The following FSTL5 variants were observed in gnomAD, a reference collection of about 807,000 sequenced individuals.
FSTL5 encodes follistatin-related protein 5.
Under a neutral mutation model 89.1 loss-of-function variants are expected in FSTL5, and 62 were observed. The observed-to-expected ratio is 0.70, with a 90% CI of 0.57 to 0.86. FSTL5 has a LOEUF of 0.86. Ranked by LOEUF, FSTL5 falls within the 40% of genes least tolerant of loss-of-function variation. FSTL5 has a pLI of 0.00. For synonymous variants in FSTL5, 383 were observed against 346.2 expected, an observed-to-expected ratio of 1.11 and a Z score of -1.18; for missense variants, 1,057 against 1,001.6, an observed-to-expected ratio of 1.06 and a Z score of -0.75.
At chr4:161,832,556 G>A (rs1297949321) in intron 4 of FSTL5, among the ~76,000 whole-genome samples, 1 of 152,132 alleles carries the variant, frequency 6.6e-6, no homozygotes, top group Non-Finnish European at 1.5e-5. Context: ...CACAATTTCA[G>A]AGCCTGTTAT....
intron 2 of FSTL5, among the ~76,000 whole-genome samples, chr4:162,067,034 CT>C (rs980086736): frequency 6.6e-6 from 1 of 151,730 alleles, no homozygotes; most frequent in African/African-American, 2.4e-5. Flanking sequence ...GAACTAAGTC[CT>C]TTGTTTGTTT....
chr4:161,794,078 G>A lies in FSTL5; in HGVS notation c.410-18004C>T, dbSNP rs140832176. On this transcript the variant is annotated intron_variant, in intron 4 of 15. Coordinates refer to ENST00000306100, the MANE Select transcript of FSTL5 (RefSeq NM_020116.5). ...CTTGAAGTTGCTTTAAAGGCATACT[G>A]AATGAGAAAATAGGTCTCTCAGAAG... Among the ~76,000 whole-genome samples the A allele has an allele frequency of 8.6e-3, 1,316 of 152,278 alleles. 75 individuals are homozygous for A. Among genetic ancestry groups the A allele is most frequent in the Admixed American group, 0.079 (1,215 of 15,298 alleles).
chr4:161,760,969 C>A (rs961985421), intron 5 of FSTL5, among the ~76,000 whole-genome samples: 1 of 152,096 alleles, frequency 6.6e-6, no homozygotes, highest in Admixed American at 6.5e-5. Flanking sequence ...CCTCCAGCAC[C>A]CTCTCTAGTC....
chr4:162,051,104 G>A (rs1369693293), intron 2 of FSTL5, among the ~76,000 whole-genome samples: 1 of 151,462 alleles, frequency 6.6e-6, no homozygotes, highest in African/African-American at 2.4e-5. Context: ...GTGCAGGGGA[G>A]GATGTGTATG....
At chr4:161,815,032 G>A (rs1335537235) in intron 4 of FSTL5, among the ~76,000 whole-genome samples, 1 of 151,964 alleles carries the variant, frequency 6.6e-6, no homozygotes, top group Non-Finnish European at 1.5e-5. Context: ...TTGCCATCAT[G>A]CAATATGTTA....
Position 162,141,579 on chromosome 4 carries a change from G to C in FSTL5, c.-17+22036C>G, listed in dbSNP as rs191401438. ...TAAGCCAAATAAACCTTATTTCTTC[G>C]TATTATCCAGGCTTGGGTATTCCTG... is the stretch of plus-strand genomic sequence containing the variant. On this transcript the variant is annotated intron_variant, in intron 1 of 15. Coordinates refer to ENST00000306100, the MANE Select transcript of FSTL5 (RefSeq NM_020116.5). Among the ~76,000 whole-genome samples the C allele has an allele frequency of 3.3e-5, 5 of 152,154 alleles. No individual in the cohort carries two copies. The South Asian group carries it at 1.0e-3, about 32-fold the overall frequency.
At position 161,920,565 on chromosome 4, in the gene FSTL5, C is replaced by A. The variant is rs770726220; in HGVS notation, c.248G>T (p.Gly83Val). Residue 83 changes from glycine (G) to valine (V), a missense_variant, in exon 4 of 16, where the codon GGG (glycine) becomes GTG (valine). Around this residue, in one of 3 missense-constraint regions of FSTL5, gnomAD observed 980 missense variants for 903.2 expected, o/e 1.08. Coordinates refer to ENST00000306100, the MANE Select transcript of FSTL5 (RefSeq NM_020116.5). The stretch of plus-strand genomic sequence containing the variant: ...GTCCATACAGGCACATTCTGCTTGC[C>A]CTGTCTCTCTGCTGGTAACACAGTG... ...GRHCVTSRETGQAECACMDLC... is the reference protein window; with the variant it reads ...GRHCVTSRETVQAECACMDLC... 1 of 1,613,696 alleles carries A rather than the reference C, an allele frequency of 6.2e-7. No homozygotes were observed.
At chr4:161,625,109 T>C (rs1045082690) in intron 7 of FSTL5, among the ~76,000 whole-genome samples, 5 of 152,138 alleles carry the variant, frequency 3.3e-5, no homozygotes, top group Non-Finnish European at 7.4e-5. Context: ...TATGGAACAA[T>C]AGTACTCAAA....
chr4:161,548,499 T>C (rs555652044), intron 8 of FSTL5, among the ~76,000 whole-genome samples: 1 of 151,906 alleles, frequency 6.6e-6, no homozygotes, highest in South Asian at 2.1e-4. Flanking sequence ...GTGAATATGG[T>C]TGTGGGGAAG....
chr4:161,671,522 C>T (rs1737113761), intron 6 of FSTL5, among the ~76,000 whole-genome samples: 1 of 152,152 alleles, frequency 6.6e-6, no homozygotes, highest in Admixed American at 6.6e-5. Flanking sequence ...TGAAACATTA[C>T]TTTGCTGCTT....
At chr4:162,073,796 A>G (rs17538117) in intron 2 of FSTL5, among the ~76,000 whole-genome samples, 13,952 of 151,754 alleles carry the variant, frequency 0.092, 769 homozygotes, top group Non-Finnish European at 0.12. Context: ...CTTTTCAGAA[A>G]TGAGGTAGCA....
chr4:161,647,387 G>A (rs375855665), intron 7 of FSTL5, among the ~76,000 whole-genome samples: 9 of 152,130 alleles, frequency 5.9e-5, no homozygotes, highest in African/African-American at 2.2e-4. Flanking sequence ...TTTAATTACT[G>A]TAGCTTAGTA....
chr4:161,799,302 C>T (rs903453673), intron 4 of FSTL5, among the ~76,000 whole-genome samples: 7 of 151,546 alleles, frequency 4.6e-5, no homozygotes, highest in Non-Finnish European at 1.0e-4. Context: ...TAGCACACCA[C>T]GGTAGTGATG....
intron 1 of FSTL5, among the ~76,000 whole-genome samples, chr4:162,112,774 A>AACACACACAC (rs1579037979): frequency 4.2e-5 from 3 of 71,454 alleles, no homozygotes; most frequent in Admixed American, 1.5e-4. Context: ...AACCGACACA[A>AACACACACAC]TCACACACAC....
At chr4:161,446,961 T>C (rs1732967048) in intron 15 of FSTL5, among the ~76,000 whole-genome samples, 1 of 152,064 alleles carries the variant, frequency 6.6e-6, no homozygotes, top group East Asian at 1.9e-4. Flanking sequence ...GAAAAAAAAG[T>C]ACCTATATAT....
rs539357500 is a variant in FSTL5 at position 161,914,771 on chromosome 4, C to T, written c.409+5633G>A. Reference sequence around the variant, plus strand: ...TCAAAAGAAAATATGGATGACTTCACAGACTCAAGTCTGAAAATTTATTAT... The same window carrying T: ...TCAAAAGAAAATATGGATGACTTCATAGACTCAAGTCTGAAAATTTATTAT... On this transcript the variant is annotated intron_variant, in intron 4 of 15. Coordinates refer to ENST00000306100, the MANE Select transcript of FSTL5 (RefSeq NM_020116.5). Among the ~76,000 whole-genome samples, 4 of 152,236 alleles carry T rather than the reference C, an allele frequency of 2.6e-5. No individual in the cohort carries two copies. In the South Asian group the frequency reaches 6.2e-4, roughly 24 times the overall value.
chr4:162,059,386 A>T (rs1578994363), intron 2 of FSTL5, among the ~76,000 whole-genome samples: 1 of 152,204 alleles, frequency 6.6e-6, no homozygotes, highest in South Asian at 2.1e-4. Flanking sequence ...GTGTTAAAGC[A>T]CTCAAATTTT....
At chr4:161,396,134 C>A (rs929725271) in intron 15 of FSTL5, among the ~76,000 whole-genome samples, 9 of 141,802 alleles carry the variant, frequency 6.3e-5, no homozygotes, top group African/African-American at 2.0e-4. Context: ...AAAAAAAAAA[C>A]ACTGCGAGAG....
intron 8 of FSTL5, among the ~76,000 whole-genome samples, chr4:161,583,406 A>T (rs1187325495): frequency 6.6e-6 from 1 of 152,136 alleles, no homozygotes; most frequent in Non-Finnish European, 1.5e-5. Context: ...GCCATCCCCA[A>T]ACCGCCCTAT....
Sources: allele counts gnomAD v4.1 joint callset (sites outside exome capture counted in the v4.1 genomes callset), GRCh38; gene constraint gnomAD v4.1.1; regional missense constraint gnomAD v4.1.1; transcripts MANE v1.5; gene names NCBI Gene and HGNC (gene_info 2026-07-23, HGNC 2026-07-21).